ABCD2: variants seen among roughly 807,000 people sequenced by gnomAD.
ABCD2 encodes ATP binding cassette subfamily D member 2, also known as ATP-binding cassette sub-family D member 2.
A neutral mutation model predicts 70.9 loss-of-function variants in ABCD2; 36 were observed. The observed-to-expected ratio is 0.51, with a 90% confidence interval of 0.39 to 0.67. ABCD2 has a LOEUF of 0.67. Ranked by LOEUF, ABCD2 falls within the 30% of genes least tolerant of loss-of-function variation. The probability of loss-of-function intolerance (pLI) is 0.00; values close to 1 mark genes in which losing one functional copy is unlikely to be tolerated. For missense variants in ABCD2, 729 were observed against 890.2 expected (o/e 0.82, Z 2.30); for synonymous variants, 304 against 306.9 (o/e 0.99, Z 0.10).
intron 7 of ABCD2, among the ~76,000 whole-genome samples, chr12:39,582,751 T>A (rs565801398): frequency 6.6e-6 from 1 of 152,256 alleles, no homozygotes; most frequent in Non-Finnish European, 1.5e-5. Flanking sequence ...ATTGTAAGGA[T>A]CAAATGAAAT....
downstream of ABCD2, among the ~76,000 whole-genome samples, chr12:39,548,367 A>G (rs753923400): frequency 5.3e-5 from 8 of 152,084 alleles, no homozygotes; most frequent in Non-Finnish European, 1.0e-4. Context: ...TCTTAGGTCA[A>G]GGAGCATCTG....
intron 2 of ABCD2, among the ~76,000 whole-genome samples, chr12:39,611,502 C>A (rs1019966283): frequency 2.0e-5 from 3 of 152,072 alleles, no homozygotes; most frequent in African/African-American, 7.2e-5. Flanking sequence ...CTTGACAAAT[C>A]TTGACAAAAT....
chr12:39,565,839 G>C (rs1275737314), intron 9 of ABCD2, among the ~76,000 whole-genome samples: 1 of 152,118 alleles, frequency 6.6e-6, no homozygotes, highest in Admixed American at 6.5e-5. Context: ...TTAGCATGAA[G>C]GGTTGTTGAA....
intron 6 of ABCD2, among the ~76,000 whole-genome samples, chr12:39,589,309 A>T (rs188851937): frequency 6.6e-6 from 1 of 151,980 alleles, no homozygotes; most frequent in East Asian, 1.9e-4. Flanking sequence ...TTTATATTTT[A>T]CTTGTACATG....
At position 39,550,800 on chromosome 12, in the gene ABCD2, T is replaced by C. The variant is rs1414103270; in HGVS notation, c.*3112A>G. On this transcript the variant is annotated 3_prime_UTR_variant, in exon 10 of 10. Coordinates refer to ENST00000308666, the MANE Select transcript of ABCD2 (RefSeq NM_005164.4). ...AATGATTTAATAACCTTTACCATCA[T>C]TTTATGCATATATTAGAAGTGTGTA... is the stretch of plus-strand genomic sequence containing the variant. 2.6e-5 allele frequency: 4 copies of C among 151,698 alleles called. No homozygotes were observed. The highest frequency in any genetic ancestry group is 4.8e-5 in the African/African-American group (2 of 41,426). 9.4% of individuals were successfully genotyped at this position (151,698 alleles called of 1,614,324 possible). A position where few individuals can be genotyped will look rare whatever the true frequency, so the allele number is the denominator to read the frequency against.
At chr12:39,558,234 T>C (rs1366719948) in intron 9 of ABCD2, among the ~76,000 whole-genome samples, 2 of 152,250 alleles carry the variant, frequency 1.3e-5, no homozygotes, top group Non-Finnish European at 1.5e-5. Context: ...ACAGGGCCTA[T>C]AGCCCCTTCT....
At chr12:39,531,727 G>A in the ABCD2 span, among the ~76,000 whole-genome samples, 1 of 152,184 alleles carries the variant, frequency 6.6e-6, no homozygotes, top group Non-Finnish European at 1.5e-5. Flanking sequence ...GTGGAATCAT[G>A]CTTTTTTGTG....
rs1275495418 is a variant in ABCD2, at chr12:39,619,368, T to C, written c.248A>G (p.Asp83Gly). The change falls in exon 1 of 10, where the codon GAT (aspartate) becomes GGT (glycine). Residue 83 changes from aspartate (D) to glycine (G), a missense_variant. Physicochemically the swap from Asp to Gly is moderately conservative, Grantham distance 94. Coordinates refer to ENST00000308666, the MANE Select transcript of ABCD2 (RefSeq NM_005164.4). ...AAGTTCTAGTAGCTGTTTGAAGAAA[T>C]CTGCATTCACTCCAGGCGAAGGTTT... Reference protein sequence around the residue: ...CEKPSPGVNADFFKQLLELRK... With the variant: ...CEKPSPGVNAGFFKQLLELRK... 1.2e-6 allele frequency: 2 copies of C among 1,614,000 alleles called. No homozygotes were observed. Among genetic ancestry groups the C allele is most frequent in the Non-Finnish European group, 8.5e-7 (1 of 1,179,996 alleles).
At chr12:39,579,313 G>T (rs777628433) in intron 8 of ABCD2, among the ~76,000 whole-genome samples, 8 of 152,346 alleles carry the variant, frequency 5.3e-5, no homozygotes, top group Admixed American at 2.6e-4. Context: ...AGTGAGCCAA[G>T]ATCGTGCCAC....
At chr12:39,557,962 G>C (rs1471036800) in intron 9 of ABCD2, among the ~76,000 whole-genome samples, 2 of 152,230 alleles carry the variant, frequency 1.3e-5, no homozygotes, top group African/African-American at 4.8e-5. Flanking sequence ...GCATTGCCTA[G>C]TGGAGCTGTG....
intron 9 of ABCD2, among the ~76,000 whole-genome samples, chr12:39,559,328 G>A (rs1481889863): frequency 7.9e-6 from 1 of 126,936 alleles, no homozygotes; most frequent in Admixed American, 1.1e-4. Flanking sequence ...AGTGAGCTAA[G>A]ATCACACCAT....
chr12:39,595,859 A>G (rs1306090391), intron 6 of ABCD2, among the ~76,000 whole-genome samples: 1 of 152,240 alleles, frequency 6.6e-6, no homozygotes, highest in Non-Finnish European at 1.5e-5. Flanking sequence ...ACTTACTTAT[A>G]GAGAGCAGGT....
chr12:39,540,366 A>G, the ABCD2 span, among the ~76,000 whole-genome samples: 11 of 152,190 alleles, frequency 7.2e-5, no homozygotes, highest in African/African-American at 1.2e-4. Flanking sequence ...ATTTAACCCT[A>G]TGTATCCTGA....
chr12:39,574,617 T>C (rs1471688553), intron 8 of ABCD2, among the ~76,000 whole-genome samples: 2 of 152,126 alleles, frequency 1.3e-5, no homozygotes, highest in African/African-American at 4.8e-5. Flanking sequence ...CTCTGGACTG[T>C]TGGTACTTAG....
chr12:39,567,019 T>G (rs556894222), intron 9 of ABCD2, among the ~76,000 whole-genome samples: 1 of 152,296 alleles, frequency 6.6e-6, no homozygotes, highest in Admixed American at 6.5e-5. Context: ...TTTCTGTTCT[T>G]TTACGTTTGA....
At chr12:39,564,426 T>A (rs1225111956) in intron 9 of ABCD2, among the ~76,000 whole-genome samples, 16 of 152,234 alleles carry the variant, frequency 1.1e-4, no homozygotes, top group African/African-American at 2.4e-4. Context: ...ATAAATGTCT[T>A]CTTTTGAGAA....
chr12:39,603,853 T>G, intron 5 of ABCD2, 59 bp downstream of exon 5: 2 of 1,268,534 alleles, frequency 1.6e-6, no homozygotes, highest in Non-Finnish European at 2.3e-6. Context: ...ACATGAATTC[T>G]GAGTTGTTTT....
At chr12:39,571,640 G>C (rs1437526930) in intron 9 of ABCD2, among the ~76,000 whole-genome samples, 2 of 152,086 alleles carry the variant, frequency 1.3e-5, no homozygotes, top group African/African-American at 2.4e-5. Flanking sequence ...AGATTCAAAC[G>C]CATGTTCTAT....
intron 2 of ABCD2, 28 bp from the exon 3 acceptor site, chr12:39,607,742 T>G: frequency 2.9e-6 from 4 of 1,363,326 alleles, no homozygotes; most frequent in Non-Finnish European, 4.1e-6. Flanking sequence ...TTACAAAACT[T>G]GAGTTTTTTT....
Sources: allele counts gnomAD v4.1 joint callset (sites outside exome capture counted in the v4.1 genomes callset), GRCh38; gene constraint gnomAD v4.1.1; transcripts MANE v1.5; gene names NCBI Gene and HGNC (gene_info 2026-07-23, HGNC 2026-07-21).